Variants in USP3 observed in about 807,000 individuals in gnomAD.
USP3 encodes the protein ubiquitin carboxyl-terminal hydrolase 3.
A neutral mutation model predicts 72.3 loss-of-function variants in USP3; 20 were observed. The ratio of observed to expected loss-of-function variants is 0.28; its 90% CI spans 0.19 to 0.40. The LOEUF is 0.40. Among genes scored for constraint, USP3 ranks in the 10% least tolerant of loss-of-function variants. The probability of loss-of-function intolerance (pLI) is 1.00; values close to 1 mark genes in which losing one functional copy is unlikely to be tolerated. For missense variants in USP3, 479 were observed against 633.9 expected (o/e 0.76, Z 2.62); for synonymous variants, 222 against 225.3 (o/e 0.99, Z 0.13).
At chr15:63,508,480 T>C (rs558850138) in intron 1 of USP3, among the ~76,000 whole-genome samples, 100 of 152,300 alleles carry the variant, frequency 6.6e-4, no homozygotes, top group African/African-American at 2.3e-3. Context: ...TTAAGGTAAA[T>C]GTTGAAAATA....
Position 63,553,959 on chromosome 15 carries a change from T to G in USP3, c.368+161T>G, listed in dbSNP as rs2066470907. Among the ~76,000 whole-genome samples, 2 of 152,192 alleles carry G rather than the reference T, an allele frequency of 1.3e-5. No individual in the cohort carries two copies. Among genetic ancestry groups the G allele is most frequent in the African/African-American group, 4.8e-5 (2 of 41,438 alleles). ...ACCTTGGCTTTGGATAGCTAAAACT[T>G]GGCCCATAGTTAATGGTCATAGCTG... On this transcript the variant is annotated intron_variant, in intron 4 of 14. Transcript: ENST00000380324. This position sits in a 1 kb window ranked among gnomAD's most constrained non-coding sequence, Gnocchi z 4.2.
intron 1 of USP3, among the ~76,000 whole-genome samples, chr15:63,512,247 A>G: frequency 6.6e-6 from 1 of 151,326 alleles, no homozygotes; most frequent in Non-Finnish European, 1.5e-5. Context: ...GTAACTGCAG[A>G]TCTTAAAACA....
rs527473082 is a variant in USP3, at chr15:63,525,181, TCA to T, written c.92-7465_92-7464del. 8.5e-5 allele frequency among the ~76,000 whole-genome samples: 13 copies of T among 152,276 alleles called. No homozygotes were observed. The South Asian group carries it at 2.1e-3, about 24-fold the overall frequency. On this transcript the variant is annotated intron_variant, in intron 1 of 14. Transcript: ENST00000380324. ...AAAGGCAACCAAGATAAACTTTGCT[TCA>T]TAATTTTATCTTTCCTGCCTTGGAC... is the stretch of plus-strand genomic sequence containing the variant.
intron 1 of USP3, among the ~76,000 whole-genome samples, chr15:63,505,562 G>A (rs1004561299): frequency 6.6e-6 from 1 of 152,250 alleles, no homozygotes; most frequent in African/African-American, 2.4e-5. Context: ...CCGAAAATGC[G>A]TTGGGATTCC....
At chr15:63,542,654 G>A (rs1452640879) in intron 3 of USP3, among the ~76,000 whole-genome samples, 2 of 151,956 alleles carry the variant, frequency 1.3e-5, no homozygotes, top group African/African-American at 2.4e-5. Flanking sequence ...GCCATTTCTC[G>A]TTTTAAAAAA....
chr15:63,569,991 T>C (rs2066753703), intron 8 of USP3, among the ~76,000 whole-genome samples: 1 of 152,224 alleles, frequency 6.6e-6, no homozygotes, highest in African/African-American at 2.4e-5. Context: ...GGTTCACACC[T>C]GGTTTTCTAG....
intron 1 of USP3, among the ~76,000 whole-genome samples, chr15:63,526,667 G>C (rs970221810): frequency 6.6e-6 from 1 of 152,192 alleles, no homozygotes; most frequent in African/African-American, 2.4e-5. Context: ...CCACACCCTT[G>C]TTGCAGTGAG....
At position 63,544,453 on chromosome 15, in the gene USP3, T is replaced by C. The variant is rs2066291158; in HGVS notation, c.284+7297T>C. 1.3e-5 allele frequency: 6 copies of C among 466,618 alleles called. No individual in the cohort carries two copies. The highest frequency in any genetic ancestry group is 4.0e-5 in the Admixed American group (1 of 25,270). The allele number at this position is 466,618 out of a possible 1,614,324, so 28.9% of individuals were successfully genotyped here. ...GTAGCTGGATTTCAATCCAAAGTTATTGTTTTGACTTTAGTAGACTAGTGT... is the reference window on the plus strand; with the variant it reads ...GTAGCTGGATTTCAATCCAAAGTTACTGTTTTGACTTTAGTAGACTAGTGT... On this transcript the variant is annotated intron_variant, in intron 3 of 14. Coordinates refer to ENST00000380324, the MANE Select transcript of USP3 (RefSeq NM_006537.4). This position sits in a 1 kb window ranked among gnomAD's most constrained non-coding sequence, Gnocchi z 4.2.
Position 63,534,330 on chromosome 15 carries a change from G to A in USP3, c.152+1623G>A, listed in dbSNP as rs369271714. 9.6e-4 allele frequency among the ~76,000 whole-genome samples: 146 copies of A among 152,248 alleles called. 6 individuals are homozygous for A. The South Asian group carries it at 0.03, about 31-fold the overall frequency. On this transcript the variant is annotated intron_variant, in intron 2 of 14. Coordinates refer to ENST00000380324, the MANE Select transcript of USP3 (RefSeq NM_006537.4). ...TAATTTTAGACTGCTTGTCTTTAGG[G>A]AAATCGTAAAGTGAATATTCTTCCC...
At position 63,570,451 on chromosome 15, in the gene USP3, C is replaced by T. The variant is rs202121509; in HGVS notation, c.780C>T (p.Asp260=). ...MPNFRGYQQQ[D]AHEFMRYLLD... ...GCTTTAGGGGCTATCAACAGCAGGA[C>T]GCCCATGAATTCATGCGCTACCTTT... Residue 260 remains aspartate, a synonymous_variant, in exon 9 of 15, where the codon GAC becomes GAT. Transcript: ENST00000380324. This position sits in a 1 kb window ranked among gnomAD's most constrained non-coding sequence, Gnocchi z 4.4. 114 of 1,614,052 alleles carry T rather than the reference C, an allele frequency of 7.1e-5. No homozygotes were observed. The highest frequency in any genetic ancestry group is 7.7e-5 in the Non-Finnish European group (91 of 1,180,042).
intron 3 of USP3, among the ~76,000 whole-genome samples, chr15:63,543,841 A>G (rs914122602): frequency 6.6e-6 from 1 of 152,242 alleles, no homozygotes; most frequent in Admixed American, 6.5e-5. Flanking sequence ...AAAAATTAAC[A>G]TGAAGATGAT....
rs2066834566 is a variant in USP3 at position 63,574,708 on chromosome 15, T to C, written c.1096+305T>C. Among the ~76,000 whole-genome samples the C allele has an allele frequency of 6.6e-6, 1 of 152,234 alleles. No individual in the cohort carries two copies. The highest frequency in any genetic ancestry group is 1.5e-5 in the Non-Finnish European group (1 of 68,032). On this transcript the variant is annotated intron_variant, in intron 11 of 14. Coordinates refer to ENST00000380324, the MANE Select transcript of USP3 (RefSeq NM_006537.4). This position sits in a 1 kb window ranked among gnomAD's most constrained non-coding sequence, Gnocchi z 4.6. ...AAATGAAACAGAAGTTATTCTGTGG[T>C]TATCCCACTAGCATCTATAGGAAGA...
intron 1 of USP3, among the ~76,000 whole-genome samples, chr15:63,515,969 T>C (rs902576385): frequency 2.6e-5 from 4 of 152,340 alleles, no homozygotes; most frequent in Non-Finnish European, 5.9e-5. Flanking sequence ...CATTTTTAGG[T>C]ATTATTCCTT....
chr15:63,522,574 T>C (rs2152654050), intron 1 of USP3, among the ~76,000 whole-genome samples: 1 of 152,336 alleles, frequency 6.6e-6, no homozygotes, highest in East Asian at 1.9e-4. Flanking sequence ...AATTGAATTA[T>C]TTAGGGTAGA....
chr15:63,572,657 T>G (rs983443540), intron 9 of USP3, among the ~76,000 whole-genome samples: 12 of 152,194 alleles, frequency 7.9e-5, no homozygotes, highest in African/African-American at 2.9e-4. Context: ...TGCAGTAGGT[T>G]TAACTTAAAG....
At position 63,562,941 on chromosome 15, in the gene USP3, G is replaced by C. The variant is rs1298837720; in HGVS notation, c.694G>C (p.Gly232Arg). The C allele has an allele frequency of 1.2e-6, 2 of 1,612,764 alleles. No homozygotes were observed. The highest frequency in any genetic ancestry group is 2.7e-5 in the African/African-American group (2 of 74,904). ...AAAGACACTCTGTGCTTTATGGCAAGGCAGCCAGACTGCATTTAGCCCAGA... is the reference window on the plus strand; with the variant it reads ...AAAGACACTCTGTGCTTTATGGCAACGCAGCCAGACTGCATTTAGCCCAGA... Reference protein sequence around the residue: ...FRKTLCALWQGSQTAFSPESL... With the variant: ...FRKTLCALWQRSQTAFSPESL... The change falls in exon 8 of 15, where the codon GGC becomes CGC. Residue 232 changes from glycine to arginine, a missense_variant. By Grantham distance (125) the Gly-to-Arg change is moderately radical. Transcript: ENST00000380324.
intron 11 of USP3, among the ~76,000 whole-genome samples, chr15:63,586,170 T>C (rs2067057277): frequency 1.3e-5 from 2 of 152,248 alleles, no homozygotes; most frequent in Non-Finnish European, 2.9e-5. Context: ...TTTTGGATGC[T>C]TTTTTCTTGC....
intron 1 of USP3, among the ~76,000 whole-genome samples, chr15:63,506,470 T>C (rs938760009): frequency 2.0e-5 from 3 of 152,078 alleles, no homozygotes; most frequent in Non-Finnish European, 4.4e-5. Context: ...AAAGACAACA[T>C]GGACAATTAG....
At chr15:63,547,866 TAGAG>T (rs112905081) in intron 3 of USP3, among the ~76,000 whole-genome samples, 924 of 20,858 alleles carry the variant, frequency 0.044, 57 homozygotes, top group African/African-American at 0.17. Flanking sequence ...GAGAGAGGCA[TAGAG>T]AGAGAGAGAG....
Sources: allele counts gnomAD v4.1 joint callset (sites outside exome capture counted in the v4.1 genomes callset), GRCh38; gene constraint gnomAD v4.1.1; non-coding constraint Gnocchi (gnomAD v3.1); transcripts MANE v1.5; gene names NCBI Gene and HGNC (gene_info 2026-07-23, HGNC 2026-07-21).